Variants in IL1RAPL1 observed in about 807,000 individuals in gnomAD.
IL1RAPL1 encodes the protein interleukin 1 receptor accessory protein like 1, also known as interleukin-1 receptor accessory protein-like 1.
A neutral mutation model predicts 48.4 loss-of-function variants in IL1RAPL1; 3 were observed. The observed-to-expected ratio is 0.06, with a 90% confidence interval of 0.03 to 0.16. The LOEUF (loss-of-function observed/expected upper bound fraction) is 0.16. Among genes scored for constraint, IL1RAPL1 ranks in the 10% least tolerant of loss-of-function variants. IL1RAPL1 has a pLI of 1.00. For synonymous variants in IL1RAPL1, 185 were observed against 187.7 expected (o/e 0.99, Z 0.12); for missense variants, 349 against 530.6 (o/e 0.66, Z 3.36).
chrX:29,343,491 G>A (rs779756883), intron 3 of IL1RAPL1, among the ~76,000 whole-genome samples: 55 of 111,536 alleles, frequency 4.9e-4, no homozygotes, highest in Middle Eastern at 4.6e-3. Flanking sequence ...TGCTAAAACC[G>A]GGTGGGGCTA....
At chrX:29,601,105 T>A (rs1448190711) in intron 5 of IL1RAPL1, among the ~76,000 whole-genome samples, 1 of 112,102 alleles carries the variant, frequency 8.9e-6, no homozygotes, top group African/African-American at 3.2e-5. Flanking sequence ...CACAAAGGTG[T>A]AATTTTTTAA....
intron 5 of IL1RAPL1, among the ~76,000 whole-genome samples, chrX:29,574,866 A>G (rs1000828606): frequency 1.8e-5 from 2 of 111,852 alleles, no homozygotes; most frequent in African/African-American, 6.5e-5. Flanking sequence ...CTCAAGTTCA[A>G]AGTTCCACAG....
chrX:28,721,281 C>A (rs2146939937), intron 1 of IL1RAPL1, among the ~76,000 whole-genome samples: 1 of 111,890 alleles, frequency 8.9e-6, no homozygotes, highest in Admixed American at 9.5e-5. Context: ...TTAATGATCG[C>A]CATTCTAACT....
chrX:29,784,319 A>C (rs1303448798), intron 6 of IL1RAPL1, among the ~76,000 whole-genome samples: 3 of 111,462 alleles, frequency 2.7e-5, no homozygotes, highest in Non-Finnish European at 5.7e-5. Context: ...TAGATATCCC[A>C]TCACTAAAAT....
intron 10 of IL1RAPL1, among the ~76,000 whole-genome samples, 163 bp downstream of exon 10, chrX:29,954,855 T>G (rs993650589): frequency 8.9e-6 from 1 of 112,329 alleles, no homozygotes; most frequent in Non-Finnish European, 1.9e-5. Flanking sequence ...AATTTAATTT[T>G]TGCTAGCTCA....
chrX:28,886,520 T>TA (rs1209268418), intron 2 of IL1RAPL1, among the ~76,000 whole-genome samples: 4 of 81,512 alleles, frequency 4.9e-5, no homozygotes, highest in African/African-American at 1.8e-4. Context: ...CATTGTTGTT[T>TA]TAAAAAAAAA....
intron 2 of IL1RAPL1, among the ~76,000 whole-genome samples, chrX:29,147,824 C>G (rs1199429124): frequency 8.9e-6 from 1 of 111,738 alleles, no homozygotes; most frequent in Non-Finnish European, 1.9e-5. Flanking sequence ...AATAACACAG[C>G]CTTGTCAGAA....
At chrX:29,532,167 G>T (rs1032496918) in intron 5 of IL1RAPL1, among the ~76,000 whole-genome samples, 3 of 111,748 alleles carry the variant, frequency 2.7e-5, no homozygotes, top group African/African-American at 9.8e-5. Context: ...CTGAAAGGCT[G>T]CATTGGAGTG....
At chrX:29,334,255 A>C (rs1932940338) in intron 3 of IL1RAPL1, among the ~76,000 whole-genome samples, 2 of 60,363 alleles carry the variant, frequency 3.3e-5, no homozygotes, top group African/African-American at 1.6e-4. Context: ...GGGGCTCCTC[A>C]CTTCCCAGTA....
At chrX:29,112,977 A>G (rs1248959693) in intron 2 of IL1RAPL1, among the ~76,000 whole-genome samples, 3 of 108,953 alleles carry the variant, frequency 2.8e-5, no homozygotes, top group Admixed American at 2.0e-4. Flanking sequence ...ATGCCCAGCT[A>G]GTTTTTTGTA....
chrX:29,462,862 G>A (rs1012464955), intron 5 of IL1RAPL1, among the ~76,000 whole-genome samples: 1 of 111,729 alleles, frequency 9.0e-6, no homozygotes. Context: ...TGATCTAACC[G>A]TCCTGGGGTA....
Position 29,811,440 on chromosome X carries a change from G to GTT in IL1RAPL1, c.779-106011_779-106010dup, listed in dbSNP as rs749611607. Among the ~76,000 whole-genome samples the GTT allele has an allele frequency of 5.0e-4, 49 of 97,956 alleles. 1 individual carries two copies. Among genetic ancestry groups the GTT allele is most frequent in the Admixed American group, 1.5e-3 (13 of 8,906 alleles). The allele number at this position is 97,956 out of a possible 115,157, so 85.1% of individuals were successfully genotyped here. A position where few individuals can be genotyped will look rare whatever the true frequency, so the allele number is the denominator to read the frequency against. On this transcript the variant is annotated intron_variant, in intron 6 of 10. Coordinates refer to ENST00000378993, the MANE Select transcript of IL1RAPL1 (RefSeq NM_014271.4). ...GACTAAGTCAGTCTAGCCTTTTCAC[G>GTT]TTTTTTTTTTTTTTCTGCCTGCTTT...
At chrX:29,154,409 G>A (rs968614648) in intron 2 of IL1RAPL1, among the ~76,000 whole-genome samples, 27 of 109,996 alleles carry the variant, frequency 2.5e-4, no homozygotes, top group Admixed American at 8.8e-4. Context: ...GCATGGTGGC[G>A]CATGCCTGTA....
chrX:29,753,209 A>G (rs751030409), intron 6 of IL1RAPL1, among the ~76,000 whole-genome samples: 9 of 112,013 alleles, frequency 8.0e-5, no homozygotes, highest in South Asian at 7.4e-4. Context: ...AATAATTTCA[A>G]TACTGTTACA....
chrX:28,748,442 T>A (rs1369484429), intron 1 of IL1RAPL1, among the ~76,000 whole-genome samples: 1 of 111,757 alleles, frequency 8.9e-6, no homozygotes, highest in Non-Finnish European at 1.9e-5. Flanking sequence ...AGAGGAAAGG[T>A]TTTTGTGGGT....
chrX:28,701,355 TA>T (rs1329845658), intron 1 of IL1RAPL1, among the ~76,000 whole-genome samples: 1 of 112,047 alleles, frequency 8.9e-6, no homozygotes, highest in Admixed American at 9.5e-5. Context: ...AATAACTGAA[TA>T]AATGGGTAAA....
chrX:28,824,020 T>G (rs1936965619), intron 2 of IL1RAPL1, among the ~76,000 whole-genome samples: 1 of 111,875 alleles, frequency 8.9e-6, no homozygotes. Context: ...ATCTTACTGG[T>G]ACCCTCTGCC....
chrX:28,761,993 C>T (rs748454378), intron 1 of IL1RAPL1, among the ~76,000 whole-genome samples: 1 of 111,403 alleles, frequency 9.0e-6, no homozygotes, highest in Non-Finnish European at 1.9e-5. Context: ...AACCCTTAGA[C>T]AGGTGTCAGA....
chrX:29,208,730 AATAAT>A (rs777044902), intron 2 of IL1RAPL1, among the ~76,000 whole-genome samples: 5 of 75,309 alleles, frequency 6.6e-5, no homozygotes, highest in Non-Finnish European at 8.9e-5. Flanking sequence ...TAATAATAAT[AATAAT>A]AAATAAATAA....
Sources: gnomAD v4.1 joint callset for allele counts (sites outside exome capture counted in the v4.1 genomes callset) on GRCh38, gnomAD v4.1.1 for gene constraint, MANE v1.5 for transcripts, NCBI Gene and HGNC (gene_info 2026-07-23, HGNC 2026-07-21) for gene names.